CCR3: variants seen among roughly 807,000 people sequenced by gnomAD.
CCR3 encodes C-C chemokine receptor type 3.
For synonymous variants in CCR3, 203 were observed against 179.2 expected, an observed-to-expected ratio of 1.13 and a Z score of -1.06; for missense variants, 419 against 437.5, an observed-to-expected ratio of 0.96 and a Z score of 0.38.
chr3:46,220,006 A>G (rs984966467), intron 2 of CCR3, among the ~76,000 whole-genome samples: 1 of 152,244 alleles, frequency 6.6e-6, no homozygotes. Flanking sequence ...GAATTAAACT[A>G]AAAAGCTTCT....
At chr3:46,215,409 CTG>C (rs1340741242) in intron 2 of CCR3, among the ~76,000 whole-genome samples, 1 of 152,142 alleles carries the variant, frequency 6.6e-6, no homozygotes, top group Non-Finnish European at 1.5e-5. Context: ...ACCCAGGAAT[CTG>C]TGTTTTAACA....
rs1329983203 is a variant in CCR3, at chr3:46,266,544, AC to A, written c.*319del. On this transcript the variant is annotated 3_prime_UTR_variant, in exon 2 of 2. Transcript: ENST00000395940. ...CTATATGCCGCTACAAAAAGGTAAA[AC>A]TTTTTATATTTTATACATTAACTTC... is the stretch of plus-strand genomic sequence containing the variant. 8.0e-6 allele frequency: 2 copies of A among 250,544 alleles called. No homozygotes were observed. The highest frequency in any genetic ancestry group is 1.6e-5 in the Non-Finnish European group (2 of 123,838). 15.5% of individuals were successfully genotyped at this position (250,544 alleles called of 1,614,324 possible). A position where few individuals can be genotyped will look rare whatever the true frequency, so the allele number is the denominator to read the frequency against.
chr3:46,242,963 G>GTATATATATATATACACA (rs1553644057), intron 1 of CCR3, among the ~76,000 whole-genome samples: 5,591 of 86,230 alleles, frequency 0.065, 574 homozygotes, highest in African/African-American at 0.25. Flanking sequence ...ATATATATGT[G>GTATATATATATATACACA]TATATATATA....
chr3:46,250,972 T>C (rs977902797), intron 1 of CCR3, among the ~76,000 whole-genome samples: 1 of 151,322 alleles, frequency 6.6e-6, no homozygotes, highest in South Asian at 2.1e-4. Context: ...AGATAAGAGG[T>C]TGGGGTGCAG....
chr3:46,265,297 G>A lies in CCR3; in HGVS notation c.139G>A (p.Val47Met). Reference protein sequence around the residue: ...VPPLYSLVFTVGLLGNVVVVM... With the variant: ...VPPLYSLVFTMGLLGNVVVVM... ...CCCGCTGTACTCCCTGGTGTTCACT[G>A]TGGGCCTCTTGGGCAATGTGGTGGT... The change falls in exon 2 of 2, where the codon GTG (valine) becomes ATG (methionine). Residue 47 changes from valine to methionine, a missense_variant. By Grantham distance (21) the Val-to-Met change is conservative (BLOSUM62 1). Coordinates refer to ENST00000395940, the MANE Select transcript of CCR3 (RefSeq NM_178329.3). The A allele has an allele frequency of 6.2e-7, 1 of 1,614,130 alleles. No homozygotes were observed. Among genetic ancestry groups the A allele is most frequent in the Non-Finnish European group, 8.5e-7 (1 of 1,180,010 alleles).
intron 2 of CCR3, among the ~76,000 whole-genome samples, chr3:46,237,127 A>G (rs1382794637): frequency 6.6e-6 from 1 of 152,230 alleles, no homozygotes; most frequent in African/African-American, 2.4e-5. Context: ...ATTGATGAAC[A>G]CTTAGGTTGA....
intron 1 of CCR3, among the ~76,000 whole-genome samples, chr3:46,249,640 G>A (rs1041663922): frequency 6.6e-6 from 1 of 152,200 alleles, no homozygotes; most frequent in Non-Finnish European, 1.5e-5. Context: ...CTCTGGGAGT[G>A]GCTGCCAGGT....
rs2125929054 is a variant in CCR3, at chr3:46,246,991, A to T, written c.-12+4453A>T. Among the ~76,000 whole-genome samples, 7 of 152,206 alleles carry T rather than the reference A, an allele frequency of 4.6e-5. 1 individual carries two copies. The South Asian group carries it at 1.5e-3, about 32-fold the overall frequency. On this transcript the variant is annotated intron_variant, in intron 1 of 1. Coordinates refer to ENST00000395940, the MANE Select transcript of CCR3 (RefSeq NM_178329.3). ...GGTGATGGCCTGGATATGGTTTTGT[A>T]TGAATTGAAAAACTAAATGGAATAA...
chr3:46,226,737 C>T (rs566575439), intron 2 of CCR3, among the ~76,000 whole-genome samples: 5 of 152,170 alleles, frequency 3.3e-5, no homozygotes, highest in East Asian at 1.9e-4. Flanking sequence ...TAGAGGAAAA[C>T]ATTCATTCTT....
At chr3:46,241,463 C>T (rs1700084201), upstream of CCR3, among the ~76,000 whole-genome samples, 1 of 152,216 alleles carries the variant, frequency 6.6e-6, no homozygotes. Context: ...CCCTGTGACG[C>T]TTTGCCCTGA....
intron 2 of CCR3, among the ~76,000 whole-genome samples, chr3:46,235,744 G>A (rs888150420): frequency 1.3e-5 from 2 of 152,132 alleles, no homozygotes; most frequent in African/African-American, 2.4e-5. Context: ...CTTCCACTAC[G>A]AGCCCTCACC....
intron 2 of CCR3, among the ~76,000 whole-genome samples, chr3:46,219,522 C>T (rs1372786840): frequency 6.6e-6 from 1 of 152,018 alleles, no homozygotes; most frequent in African/African-American, 2.4e-5. Context: ...GCCCACAAAG[C>T]CAAAGCAAGA....
At position 46,230,250 on chromosome 3, in the gene CCR3, T is replaced by A. The variant is rs189936882; in HGVS notation, c.-67-12152T>A. Among the ~76,000 whole-genome samples the A allele has an allele frequency of 9.1e-4, 139 of 152,298 alleles. 1 individual carries two copies. Among genetic ancestry groups the A allele is most frequent in the Admixed American group, 3.9e-3 (60 of 15,304 alleles). On this transcript the variant is annotated intron_variant, in intron 2 of 3. Coordinates refer to the CCR3 transcript ENST00000357422. Reference sequence around the variant, plus strand: ...TCTTTTCTGTAATGAAGTCACAATATGCAAGTTTTCTTCAGATTTTCTTTA... The same window carrying A: ...TCTTTTCTGTAATGAAGTCACAATAAGCAAGTTTTCTTCAGATTTTCTTTA...
Position 46,265,553 on chromosome 3 carries a change from A to G in CCR3, c.395A>G (p.Tyr132Cys), listed in dbSNP as rs1436279960. 6.2e-7 allele frequency: 1 copy of G among 1,613,988 alleles called. No individual in the cohort carries two copies. The highest frequency in any genetic ancestry group is 8.5e-7 in the Non-Finnish European group (1 of 1,180,020). ...FFIILLTIDR[Y>C]LAIVHAVFAL... The stretch of plus-strand genomic sequence containing the variant: ...ATAATCCTGCTGACAATCGACAGGT[A>G]CCTGGCCATTGTCCATGCTGTGTTT... Residue 132 changes from tyrosine (Y) to cysteine (C), a missense_variant, in exon 2 of 2, where the codon TAC becomes TGC. By Grantham distance (194) the Tyr-to-Cys change is radical. Transcript: ENST00000395940.
chr3:46,242,952 CATATATATGTGT>C (rs1178293945), intron 1 of CCR3, among the ~76,000 whole-genome samples: 9 of 77,024 alleles, frequency 1.2e-4, no homozygotes, highest in East Asian at 4.3e-4. Flanking sequence ...TATAATTTTA[CATATATATGTGT>C]ATATATATAT....
intron 1 of CCR3, among the ~76,000 whole-genome samples, chr3:46,254,220 C>T (rs1162184321): frequency 1.3e-5 from 2 of 152,048 alleles, no homozygotes; most frequent in Non-Finnish European, 2.9e-5. Flanking sequence ...AGTACATAAA[C>T]AAATATCAAG....
chr3:46,247,238 T>A (rs1700214851), intron 1 of CCR3, among the ~76,000 whole-genome samples: 1 of 152,040 alleles, frequency 6.6e-6, no homozygotes, highest in South Asian at 2.1e-4. Context: ...AGGGCATGTA[T>A]GAGTAGTTGA....
At chr3:46,240,787 T>A (rs57871924), upstream of CCR3, among the ~76,000 whole-genome samples, 16,751 of 152,196 alleles carry the variant, frequency 0.11, 1,026 homozygotes, top group East Asian at 0.2. Context: ...TACATCATTT[T>A]GCAGTAGAGC....
intron 2 of CCR3, among the ~76,000 whole-genome samples, chr3:46,231,887 C>T (rs1444062894): frequency 6.6e-6 from 1 of 152,126 alleles, no homozygotes; most frequent in Admixed American, 6.5e-5. Flanking sequence ...TTCCCTGCCC[C>T]AATGTCTCTC....
Sources: gnomAD v4.1 joint callset for allele counts (sites outside exome capture counted in the v4.1 genomes callset) on GRCh38, gnomAD v4.1.1 for gene constraint, MANE v1.5 for transcripts, NCBI Gene and HGNC (gene_info 2026-07-23, HGNC 2026-07-21) for gene names.